NETO2: variants seen among roughly 807,000 people sequenced by gnomAD.
NETO2 encodes neuropilin and tolloid like 2.
In NETO2, 28 loss-of-function variants were observed where a neutral mutation model predicts 62.5. That is an observed-to-expected ratio of 0.45 (90% CI 0.33 to 0.61). NETO2 has a LOEUF of 0.61. Ranked by LOEUF, NETO2 falls within the 20% of genes least tolerant of loss-of-function variation. The pLI is 0.02. For missense variants in NETO2, 548 were observed against 643.2 expected, an observed-to-expected ratio of 0.85 and a Z score of 1.60; for synonymous variants, 214 against 219.1, an observed-to-expected ratio of 0.98 and a Z score of 0.21.
At chr16:47,135,921 T>A (rs566568743) in intron 1 of NETO2, among the ~76,000 whole-genome samples, 2 of 152,176 alleles carry the variant, frequency 1.3e-5, no homozygotes, top group South Asian at 4.1e-4. Flanking sequence ...TTACACCTAT[T>A]AAGGGAAGAA....
intron 7 of NETO2, among the ~76,000 whole-genome samples, chr16:47,099,904 G>T (rs1963506238): frequency 6.6e-6 from 1 of 152,146 alleles, no homozygotes; most frequent in South Asian, 2.1e-4. Context: ...CAGATAACGA[G>T]ACGGAAAATT....
At chr16:47,126,393 T>C (rs1323476891) in intron 4 of NETO2, among the ~76,000 whole-genome samples, 3 of 152,190 alleles carry the variant, frequency 2.0e-5, no homozygotes, top group Non-Finnish European at 1.5e-5. Context: ...CCATACTGTA[T>C]AATTCCAGTT....
At chr16:47,107,476 T>TA (rs1235446962) in intron 7 of NETO2, among the ~76,000 whole-genome samples, 8 of 152,296 alleles carry the variant, frequency 5.3e-5, no homozygotes, top group African/African-American at 1.7e-4. Context: ...GGATATGGAT[T>TA]AGCAATTGTG....
At chr16:47,085,761 A>G (rs1047279937) in intron 8 of NETO2, among the ~76,000 whole-genome samples, 2 of 152,130 alleles carry the variant, frequency 1.3e-5, no homozygotes, top group Non-Finnish European at 2.9e-5. Context: ...ACCACATCCC[A>G]GGTCTATGAT....
chr16:47,124,785 T>C (rs1446716126), intron 4 of NETO2, among the ~76,000 whole-genome samples: 1 of 152,136 alleles, frequency 6.6e-6, no homozygotes, highest in Non-Finnish European at 1.5e-5. Flanking sequence ...TCCTCATCTG[T>C]AAAATAAAAT....
intron 6 of NETO2, among the ~76,000 whole-genome samples, chr16:47,115,698 T>TATATATATATATATAC (rs1489780155): frequency 8.2e-5 from 11 of 133,792 alleles, no homozygotes; most frequent in East Asian, 4.0e-4. Flanking sequence ...GGCTAATTTT[T>TATATATATATATATAC]ATATATATAT....
chr16:47,118,642 G>A (rs1360788381), intron 6 of NETO2, among the ~76,000 whole-genome samples: 2 of 152,094 alleles, frequency 1.3e-5, no homozygotes, highest in Non-Finnish European at 2.9e-5. Context: ...TAAAACATTT[G>A]TTAAAATTTC....
At chr16:47,094,656 G>C (rs1411404266) in intron 7 of NETO2, among the ~76,000 whole-genome samples, 1 of 151,664 alleles carries the variant, frequency 6.6e-6, no homozygotes, top group Non-Finnish European at 1.5e-5. Flanking sequence ...CAATCTTGTT[G>C]ACCTCATGAT....
rs563661944 is a variant in NETO2 at position 47,093,829 on chromosome 16, G to C, written c.884-7490C>G. 2.0e-5 allele frequency among the ~76,000 whole-genome samples: 3 copies of C among 152,262 alleles called. No homozygotes were observed. The East Asian group carries it at 5.8e-4, about 29-fold the overall frequency. ...ATTTTCAAATTTGTCAAAAATATCT[G>C]ATATCTTACTGTCACACTTTTGTAT... is the stretch of plus-strand genomic sequence containing the variant. On this transcript the variant is annotated intron_variant, in intron 7 of 8. Coordinates refer to ENST00000562435, the MANE Select transcript of NETO2 (RefSeq NM_018092.5).
chr16:47,129,359 G>T lies in NETO2; in HGVS notation c.97C>A (p.Gln33Lys), dbSNP rs1413192689. Residue 33 changes from glutamine (Q) to lysine (K), a missense_variant, in exon 3 of 9, where the codon CAA (glutamine) becomes AAA (lysine). Gln to Lys is a moderately conservative substitution (Grantham distance 53). Transcript: ENST00000562435. ...IAVAQKTQDG[Q>K]NIGIKHIPAT... ...GGAATATGCTTGATTCCAATATTTT[G>T]TCCATCTTAGGGAAAAACGGCATTT... is the stretch of plus-strand genomic sequence containing the variant. 1.2e-6 allele frequency: 2 copies of T among 1,613,546 alleles called. No homozygotes were observed. Among genetic ancestry groups the T allele is most frequent in the South Asian group, 2.2e-5 (2 of 91,066 alleles).
At chr16:47,138,451 A>T (rs1440139079) in intron 1 of NETO2, among the ~76,000 whole-genome samples, 1 of 152,220 alleles carries the variant, frequency 6.6e-6, no homozygotes, top group Non-Finnish European at 1.5e-5. Flanking sequence ...ATTTCAAAAT[A>T]AAAGTTTAAA....
At chr16:47,086,399 C>T in intron 7 of NETO2, 60 bp from the exon 8 acceptor site, 6 of 1,080,136 alleles carry the variant, frequency 5.6e-6, no homozygotes, top group Non-Finnish European at 8.5e-6. Context: ...TTATTTCATA[C>T]ATAACAAATC....
Position 47,081,124 on chromosome 16 carries a change from T to G in NETO2, c.*2097A>C, listed in dbSNP as rs1963053439. On this transcript the variant is annotated 3_prime_UTR_variant, in exon 9 of 9. Transcript: ENST00000562435. ...TACAAGTGACTATAGTTTAGCATAC[T>G]GTATTATTTGCTATTATAATCTAAA... 1 of 152,202 alleles carries G rather than the reference T, an allele frequency of 6.6e-6. No individual in the cohort carries two copies. The highest frequency in any genetic ancestry group is 2.1e-4 in the South Asian group (1 of 4,828). 9.4% of individuals were successfully genotyped at this position (152,202 alleles called of 1,614,324 possible). A position where few individuals can be genotyped will look rare whatever the true frequency, so the allele number is the denominator to read the frequency against.
At chr16:47,140,794 C>T (rs1051336069) in intron 1 of NETO2, among the ~76,000 whole-genome samples, 12 of 152,244 alleles carry the variant, frequency 7.9e-5, no homozygotes, top group Admixed American at 3.9e-4. Context: ...ATACTTGCAC[C>T]GTCTCAGACA....
rs975481910 is a variant in NETO2 at position 47,078,229 on chromosome 16, G to A, written c.*4992C>T. The A allele has an allele frequency of 6.6e-5, 10 of 152,156 alleles. No individual in the cohort carries two copies. The highest frequency in any genetic ancestry group is 2.1e-4 in the South Asian group (1 of 4,830). The allele number at this position is 152,156 out of a possible 1,614,324, so 9.4% of individuals were successfully genotyped here. ...GGATAGGAAATGCCAACTTTGCCCC[G>A]GAAGGAAATACAGATTCTGTTGGTA... On this transcript the variant is annotated 3_prime_UTR_variant, in exon 9 of 9. Coordinates refer to ENST00000562435, the MANE Select transcript of NETO2 (RefSeq NM_018092.5).
At chr16:47,094,898 G>A (rs1299395343) in intron 7 of NETO2, among the ~76,000 whole-genome samples, 1 of 152,068 alleles carries the variant, frequency 6.6e-6, no homozygotes, top group Non-Finnish European at 1.5e-5. Flanking sequence ...TAGAGATGGG[G>A]TTTCACCATG....
At chr16:47,089,258 G>A (rs1438799820) in intron 7 of NETO2, among the ~76,000 whole-genome samples, 2 of 152,120 alleles carry the variant, frequency 1.3e-5, no homozygotes, top group Admixed American at 6.6e-5. Flanking sequence ...CAATAGCTAC[G>A]AACTGTGAAG....
At chr16:47,088,785 A>G (rs990802965) in intron 7 of NETO2, among the ~76,000 whole-genome samples, 4 of 152,210 alleles carry the variant, frequency 2.6e-5, no homozygotes, top group Non-Finnish European at 5.9e-5. Context: ...ATTGCAGTAC[A>G]TTATCAGTAA....
Position 47,122,894 on chromosome 16 carries a change from A to G in NETO2, c.500T>C (p.Leu167Pro), listed in dbSNP as rs1964069937. The G allele has an allele frequency of 1.9e-6, 3 of 1,613,804 alleles. No individual in the cohort carries two copies. Among genetic ancestry groups the G allele is most frequent in the Non-Finnish European group, 2.5e-6 (3 of 1,179,788 alleles). ...SFIPDPDFTYLGGILNPIPDC... is the reference protein window; with the variant it reads ...SFIPDPDFTYPGGILNPIPDC... ...TGGAATGGGATTTAAAATACCTCCT[A>G]GGTAAGTAAAGTCTGGATCTGTAAC... The change falls in exon 5 of 9, where the codon CTA becomes CCA. Residue 167 changes from leucine to proline, a missense_variant. Physicochemically the swap from Leu to Pro is moderately conservative, Grantham distance 98. Transcript: ENST00000562435.
Sources: gnomAD v4.1 joint callset for allele counts (sites outside exome capture counted in the v4.1 genomes callset) on GRCh38, gnomAD v4.1.1 for gene constraint, MANE v1.5 for transcripts, NCBI Gene and HGNC (gene_info 2026-07-23, HGNC 2026-07-21) for gene names.